SGO1: variants seen among roughly 807,000 people sequenced by gnomAD.
SGO1 encodes shugoshin 1, also known as serologically defined breast cancer antigen NY-BR-85.
In SGO1, 39 loss-of-function variants were observed where a neutral mutation model predicts 50.5. The observed-to-expected ratio is 0.77, with a 90% CI of 0.60 to 1.01. The LOEUF (loss-of-function observed/expected upper bound fraction) is 1.01. Ranked by LOEUF, SGO1 falls within the 50% of genes least tolerant of loss-of-function variation. The pLI, the probability that SGO1 is intolerant of heterozygous loss-of-function variation, is 0.00. For synonymous variants in SGO1, 191 were observed against 205.1 expected (o/e 0.93, Z 0.59); for missense variants, 638 against 606.0 (o/e 1.05, Z -0.55).
chr3:20,184,776 ATACAGT>A (rs371119884), intron 1 of SGO1, among the ~76,000 whole-genome samples: 29 of 152,188 alleles, frequency 1.9e-4, no homozygotes, highest in Admixed American at 1.3e-3. Flanking sequence ...ATTGTTGTAC[ATACAGT>A]TAAACGTTGA....
At chr3:20,183,247 T>C in intron 3 of SGO1, among the ~76,000 whole-genome samples, 1 of 152,214 alleles carries the variant, frequency 6.6e-6, no homozygotes. Context: ...ATTAAAACTT[T>C]TGGATAAGTC....
In SGO1 at chr3:20,175,037, G is replaced by A; in HGVS notation, c.494C>T (p.Pro165Leu). 6.5e-7 allele frequency: 1 copy of A among 1,542,474 alleles called. No homozygotes were observed. Among genetic ancestry groups the A allele is most frequent in the Non-Finnish European group, 8.7e-7 (1 of 1,143,488 alleles). Residue 165 changes from proline (P) to leucine (L), a missense_variant, in exon 6 of 8, where the codon CCT becomes CTT. Pro to Leu is a moderately conservative substitution (Grantham distance 98). Coordinates refer to ENST00000412997, the MANE Select transcript of SGO1 (RefSeq NM_001199251.3). ...AAAATCAACTCCCAGTGTGTCTTGA[G>A]GAATAGTAGGTATCTGATCTGAGAA... ...FQIEDQIPTI[P>L]QDTLGVDFDS... is the part of the protein sequence containing the mutation.
intron 1 of SGO1, among the ~76,000 whole-genome samples, chr3:20,184,766 ATTG>A (rs1292512028): frequency 3.3e-5 from 5 of 152,188 alleles, no homozygotes; most frequent in African/African-American, 1.2e-4. Flanking sequence ...GACATTAAAT[ATTG>A]TTGTACATAC....
Position 20,174,899 on chromosome 3 carries a change from A to T in SGO1, c.632T>A (p.Phe211Tyr), listed in dbSNP as rs1701202501. The T allele has an allele frequency of 1.2e-6, 2 of 1,614,044 alleles. No individual in the cohort carries two copies. Among genetic ancestry groups the T allele is most frequent in the Non-Finnish European group, 1.7e-6 (2 of 1,179,980 alleles). ...SICQFDSLDD[F>Y]ETSHLAGKSF... ...CTTCCCTGCCAAATGACTGGTTTCA[A>T]AATCATCCAAGCTATCAAACTGACA... Residue 211 changes from phenylalanine to tyrosine, a missense_variant, in exon 6 of 8, where the codon TTT becomes TAT. Coordinates refer to ENST00000412997, the MANE Select transcript of SGO1 (RefSeq NM_001199251.3).
chr3:20,169,680 C>T lies in SGO1; in HGVS notation c.*1024G>A, dbSNP rs563249397. The T allele has an allele frequency of 1.1e-6, 1 of 930,580 alleles. No homozygotes were observed. Among genetic ancestry groups the T allele is most frequent in the African/African-American group, 1.8e-5 (1 of 55,918 alleles). 57.6% of individuals were successfully genotyped at this position (930,580 alleles called of 1,614,324 possible). A position where few individuals can be genotyped will look rare whatever the true frequency, so the allele number is the denominator to read the frequency against. On this transcript the variant is annotated 3_prime_UTR_variant, in exon 8 of 8. Transcript: ENST00000412997. ...GATTTCTGACTAAATAAGGAGCTAC[C>T]CTGAAAGTACATGACATTTGTAATT...
chr3:20,169,369 C>T (rs995125214), downstream of SGO1: 35 of 984,592 alleles, frequency 3.6e-5, no homozygotes, highest in Non-Finnish European at 4.1e-5. Context: ...GAACACCCCC[C>T]CCTCAAAAAA....
At position 20,169,633 on chromosome 3, in the gene SGO1, T is replaced by C. The variant is rs1700519532; in HGVS notation, c.*1071A>G. 2 of 982,396 alleles carry C rather than the reference T, an allele frequency of 2.0e-6. No individual in the cohort carries two copies. The highest frequency in any genetic ancestry group is 9.4e-5 in the South Asian group (2 of 21,208). The allele number at this position is 982,396 out of a possible 1,614,324, so 60.9% of individuals were successfully genotyped here. The stretch of plus-strand genomic sequence containing the variant: ...GTCAAAAATATGCAAAAACCCTAAA[T>C]ATTCACACATTTAATCTCTGAGATT... On this transcript the variant is annotated 3_prime_UTR_variant, in exon 8 of 8. Coordinates refer to ENST00000412997, the MANE Select transcript of SGO1 (RefSeq NM_001199251.3).
intron 6 of SGO1, among the ~76,000 whole-genome samples, chr3:20,173,622 A>G (rs1390128586): frequency 6.6e-6 from 1 of 152,244 alleles, no homozygotes; most frequent in Non-Finnish European, 1.5e-5. Flanking sequence ...TGAAAATGAT[A>G]CAACTTGACT....
At chr3:20,161,020 T>C (rs1367545217) in exon 9 of SGO1, 1 of 1,584,706 alleles carries the variant, frequency 6.3e-7, no homozygotes, top group East Asian at 2.3e-5. Context: ...CCCCAACACA[T>C]AAAGCTAGAA....
In SGO1 at chr3:20,181,958, C is replaced by T. The variant is rs564894909; in HGVS notation, c.339+1650G>A. ...ATTAGCCAGGTGTGGTGGCGCATGC[C>T]TGTAATCCCAGCTACTCGGGAGGCT... On this transcript the variant is annotated intron_variant, in intron 3 of 7. Transcript: ENST00000412997. 3.3e-5 allele frequency among the ~76,000 whole-genome samples: 5 copies of T among 152,110 alleles called. No individual in the cohort carries two copies. In the South Asian group the frequency reaches 1.0e-3, roughly 32 times the overall value.
rs1702293805 is a variant in SGO1, at chr3:20,183,745, A to G, written c.202T>C (p.Leu68=). 6.2e-7 allele frequency: 1 copy of G among 1,613,426 alleles called. No homozygotes were observed. Among genetic ancestry groups the G allele is most frequent in the Non-Finnish European group, 8.5e-7 (1 of 1,179,836 alleles). ...QDNNKMLVLA[L]ENEKSKVKEA... ...TTCACTTTGGATTTTTCATTTTCCA[A>G]AGCTAAAACTAACATTTTGTTGTTG... The change falls in exon 3 of 8, where the codon TTG becomes CTG. Residue 68 remains leucine (L), a synonymous_variant. Coordinates refer to ENST00000412997, the MANE Select transcript of SGO1 (RefSeq NM_001199251.3).
chr3:20,177,919 T>C (rs1701583980), intron 4 of SGO1, among the ~76,000 whole-genome samples: 1 of 151,900 alleles, frequency 6.6e-6, no homozygotes, highest in African/African-American at 2.4e-5. Flanking sequence ...AACCAGACTA[T>C]TCAGAGGGCT....
intron 3 of SGO1, among the ~76,000 whole-genome samples, chr3:20,182,085 G>GA (rs1206323299): frequency 1.2e-4 from 17 of 138,742 alleles, no homozygotes; most frequent in East Asian, 2.1e-4. Flanking sequence ...TCTGTCTCAA[G>GA]AAAAAAAAAA....
At chr3:20,182,272 A>C (rs1411584101) in intron 3 of SGO1, among the ~76,000 whole-genome samples, 7 of 152,140 alleles carry the variant, frequency 4.6e-5, no homozygotes, top group Admixed American at 3.3e-4. Flanking sequence ...GAACTCTTTC[A>C]CTGACTTCTC....
chr3:20,172,547 G>A (rs1700865605), intron 6 of SGO1, among the ~76,000 whole-genome samples: 1 of 151,544 alleles, frequency 6.6e-6, no homozygotes, highest in Non-Finnish European at 1.5e-5. Flanking sequence ...TCCACGGTAT[G>A]GGGTATGGCC....
intron 8 of SGO1, among the ~76,000 whole-genome samples, chr3:20,163,791 A>T (rs1310847537): frequency 4.6e-5 from 7 of 152,192 alleles, no homozygotes; most frequent in African/African-American, 1.7e-4. Context: ...TCTTACATGT[A>T]AGACAAAAAG....
In SGO1 at chr3:20,183,999, G is replaced by A; in HGVS notation, c.29C>T (p.Ser10Phe). Residue 10 changes from serine (S) to phenylalanine (F), a missense_variant, in exon 2 of 8, where the codon TCC becomes TTC. Transcript: ENST00000412997. MAKERCLKK[S>F]FQDSLEDIKK... ...TATGTCTTCAAGACTATCTTGAAAG[G>A]ACTTTTTCAGGCATCTTTCCTTGGC... 1 of 1,588,466 alleles carries A rather than the reference G, an allele frequency of 6.3e-7. No individual in the cohort carries two copies. Among genetic ancestry groups the A allele is most frequent in the Non-Finnish European group, 8.5e-7 (1 of 1,172,498 alleles).
chr3:20,176,614 T>C lies in SGO1; in HGVS notation c.462A>G (p.Ser154=). The C allele has an allele frequency of 1.3e-6, 2 of 1,567,950 alleles. No homozygotes were observed. The highest frequency in any genetic ancestry group is 1.2e-5 in the South Asian group (1 of 80,426). ...CACTTGAATTACCTTCTATTTGAAA[T>C]GATTCTCCTTGTCCTGGAAGTTCAG... is the stretch of plus-strand genomic sequence containing the variant. The part of the protein sequence containing the change: ...EETELPGQGE[S]FQIEDQIPTI... The change falls in exon 5 of 8, where the codon TCA becomes TCG. Residue 154 remains serine, a synonymous_variant. Coordinates refer to ENST00000412997, the MANE Select transcript of SGO1 (RefSeq NM_001199251.3).
chr3:20,180,058 A>G (rs962907678), intron 3 of SGO1, among the ~76,000 whole-genome samples: 20 of 152,194 alleles, frequency 1.3e-4, no homozygotes, highest in Non-Finnish European at 1.3e-4. Flanking sequence ...GCATTTAGGG[A>G]GGCCGAGGCA....
Sources: allele counts gnomAD v4.1 joint callset (sites outside exome capture counted in the v4.1 genomes callset), GRCh38; gene constraint gnomAD v4.1.1; transcripts MANE v1.5; gene names NCBI Gene and HGNC (gene_info 2026-07-23, HGNC 2026-07-21).